The following ADGRV1 variants were observed in gnomAD, a reference collection of about 807,000 sequenced individuals.
ADGRV1 encodes the protein adhesion G protein-coupled receptor V1.
In ADGRV1, 359 loss-of-function variants were observed where a neutral mutation model predicts 596.2. The observed-to-expected ratio is 0.60, with a 90% confidence interval of 0.55 to 0.66. ADGRV1 has a LOEUF of 0.66. ADGRV1 is among the 30% of genes least tolerant of loss of function. The pLI is 0.00. For missense variants in ADGRV1, 7,274 were observed against 7,575.6 expected (o/e 0.96, Z 1.48); for synonymous variants, 2,681 against 2,679.2 (o/e 1.00, Z -0.02).
chr5:90,584,856 G>A (rs1374975972), intron 1 of ADGRV1, among the ~76,000 whole-genome samples: 2 of 152,166 alleles, frequency 1.3e-5, no homozygotes, highest in Non-Finnish European at 2.9e-5. Context: ...TTTAAGAAGA[G>A]GGGATAAACA....
At chr5:90,967,530 G>T (rs11957689) in intron 84 of ADGRV1, among the ~76,000 whole-genome samples, 74,583 of 151,908 alleles carry the variant, frequency 0.49, 19,642 homozygotes, top group East Asian at 0.68. Flanking sequence ...TATTTATGTT[G>T]TTATCTGTCT....
chr5:91,009,799 C>T (rs1782581975), intron 85 of ADGRV1, among the ~76,000 whole-genome samples: 1 of 152,022 alleles, frequency 6.6e-6, no homozygotes, highest in Non-Finnish European at 1.5e-5. Context: ...GATTTCAAAA[C>T]ATTCTATCAC....
At chr5:90,983,946 A>C (rs1296775423) in intron 84 of ADGRV1, among the ~76,000 whole-genome samples, 2 of 152,152 alleles carry the variant, frequency 1.3e-5, no homozygotes, top group Non-Finnish European at 2.9e-5. Flanking sequence ...TCCCACAAAC[A>C]TTAGGAATGC....
intron 10 of ADGRV1, among the ~76,000 whole-genome samples, chr5:90,636,145 C>G (rs1445553612): frequency 6.6e-6 from 1 of 151,830 alleles, no homozygotes; most frequent in Non-Finnish European, 1.5e-5. Context: ...GCACAGCACC[C>G]CATCCCTCCC....
intron 85 of ADGRV1, among the ~76,000 whole-genome samples, chr5:91,061,142 C>A (rs1281689350): frequency 6.6e-6 from 1 of 152,150 alleles, no homozygotes; most frequent in Non-Finnish European, 1.5e-5. Flanking sequence ...GAACAGGACA[C>A]CTTGAATACT....
intron 11 of ADGRV1, among the ~76,000 whole-genome samples, chr5:90,638,771 A>G (rs7729502): frequency 0.011 from 1,688 of 152,258 alleles, 27 homozygotes; most frequent in African/African-American, 0.039. Context: ...TACATTATTC[A>G]GGACTAAAGT....
chr5:90,818,238 T>C (rs1199455963), intron 75 of ADGRV1, among the ~76,000 whole-genome samples: 4 of 151,942 alleles, frequency 2.6e-5, no homozygotes, highest in Non-Finnish European at 5.9e-5. Flanking sequence ...TGTGTAAGAA[T>C]GCTTGTGATT....
rs74779783 is a variant in ADGRV1, at chr5:90,911,904, T to C, written c.17856+48047T>C. ...GCTCAGGTTGAGGACAGATTATACATAGGACATAAGGAAACAGCTGCTAAG... is the reference window on the plus strand; with the variant it reads ...GCTCAGGTTGAGGACAGATTATACACAGGACATAAGGAAACAGCTGCTAAG... On this transcript the variant is annotated intron_variant, in intron 83 of 89. Transcript: ENST00000405460. 9.9e-3 allele frequency among the ~76,000 whole-genome samples: 1,510 copies of C among 152,110 alleles called. 12 individuals are homozygous for C. The highest frequency in any genetic ancestry group is 0.015 in the Non-Finnish European group (1,027 of 67,984).
chr5:90,911,803 A>G (rs1164582495), intron 83 of ADGRV1, among the ~76,000 whole-genome samples: 1 of 152,126 alleles, frequency 6.6e-6, no homozygotes, highest in Non-Finnish European at 1.5e-5. Context: ...ACAATGTCAT[A>G]GACTTTTCTT....
chr5:90,844,869 T>A (rs1044021626), intron 78 of ADGRV1, among the ~76,000 whole-genome samples: 1 of 152,222 alleles, frequency 6.6e-6, no homozygotes, highest in Non-Finnish European at 1.5e-5. Context: ...TTAATAATGT[T>A]GGGAGTTCTT....
Position 90,712,407 on chromosome 5 carries a change from G to C in ADGRV1, c.9163G>C (p.Glu3055Gln). 6.3e-7 allele frequency: 1 copy of C among 1,589,582 alleles called. No individual in the cohort carries two copies. Residue 3055 changes from glutamate (E) to glutamine (Q), a missense_variant, in exon 42 of 90, where the codon GAG becomes CAG. Physicochemically the swap from Glu to Gln is conservative, Grantham distance 29 (BLOSUM62 2). Coordinates refer to ENST00000405460, the MANE Select transcript of ADGRV1 (RefSeq NM_032119.4). ...TTTAACAAATCCTTCTCCTGGACTA[G>C]AGCTAGGGAAAAATACAATAGGTAA... ...LILTNPSPGL[E>Q]LGKNTIALII...
At chr5:90,779,837 A>G (rs1758648719) in intron 64 of ADGRV1, 1 of 152,048 alleles carries the variant, frequency 6.6e-6, no homozygotes, top group Admixed American at 6.6e-5. Flanking sequence ...TCATAAAGAC[A>G]TTTTTCTTGT....
At chr5:90,734,864 A>G (rs1020679074) in intron 50 of ADGRV1, among the ~76,000 whole-genome samples, 2 of 152,078 alleles carry the variant, frequency 1.3e-5, no homozygotes, top group African/African-American at 2.4e-5. Flanking sequence ...GGCCTAGCCT[A>G]TTTTTTAATT....
rs1343160743 is a variant in ADGRV1 at position 90,704,445 on chromosome 5, G to A, written c.8343G>A (p.Glu2781=). 2 of 1,581,474 alleles carry A rather than the reference G, an allele frequency of 1.3e-6. No homozygotes were observed. The highest frequency in any genetic ancestry group is 1.7e-6 in the Non-Finnish European group (2 of 1,162,084). Residue 2781 remains glutamate, a synonymous_variant, in exon 36 of 90, where the codon GAG becomes GAA. Coordinates refer to ENST00000405460, the MANE Select transcript of ADGRV1 (RefSeq NM_032119.4). ...VHLLDDNIPE[E]KEVYQVILYD... Reference sequence around the variant, plus strand: ...TGTTGGATGACAACATTCCTGAGGAGAAAGAAGTATACCAAGTCATTCTGT... The same window carrying A: ...TGTTGGATGACAACATTCCTGAGGAAAAAGAAGTATACCAAGTCATTCTGT...
rs1745297420 is a variant in ADGRV1, at chr5:90,684,110, G to A, written c.6189G>A (p.Leu2063=). 4 of 1,613,806 alleles carry A rather than the reference G, an allele frequency of 2.5e-6. No homozygotes were observed. Among genetic ancestry groups the A allele is most frequent in the South Asian group, 1.1e-5 (1 of 91,076 alleles). ...AGGCAACAATAGCTATTTCAATTTTGGATGATGATGAGCCAGAAAGGTCCG... is the reference window on the plus strand; with the variant it reads ...AGGCAACAATAGCTATTTCAATTTTAGATGATGATGAGCCAGAAAGGTCCG... ...QSEATIAISI[L]DDDEPERSES... Residue 2063 remains leucine, a synonymous_variant, in exon 28 of 90, where the codon TTG becomes TTA. Transcript: ENST00000405460.
chr5:90,657,049 TTAACTC>T (rs1769506056), intron 20 of ADGRV1, among the ~76,000 whole-genome samples: 1 of 152,066 alleles, frequency 6.6e-6, no homozygotes, highest in African/African-American at 2.4e-5. Flanking sequence ...TCTCACAACT[TTAACTC>T]AATGAGTGTC....
chr5:91,096,587 A>G (rs1257474988), intron 86 of ADGRV1, among the ~76,000 whole-genome samples: 1 of 152,168 alleles, frequency 6.6e-6, no homozygotes, highest in Non-Finnish European at 1.5e-5. Context: ...ACTCCTTGTT[A>G]ATTTAAGTAT....
intron 85 of ADGRV1, among the ~76,000 whole-genome samples, chr5:90,988,828 C>T (rs1780717306): frequency 8.0e-6 from 1 of 124,298 alleles, no homozygotes. Context: ...GTGTGATGTT[C>T]CCCTTCCTAT....
At chr5:90,602,209 G>A (rs560040407) in intron 1 of ADGRV1, among the ~76,000 whole-genome samples, 13 of 152,154 alleles carry the variant, frequency 8.5e-5, no homozygotes, top group African/African-American at 2.7e-4. Context: ...ACAATGTTTC[G>A]ATGCCTGGTA....
Sources: allele counts gnomAD v4.1 joint callset (sites outside exome capture counted in the v4.1 genomes callset), GRCh38; gene constraint gnomAD v4.1.1; transcripts MANE v1.5; gene names NCBI Gene and HGNC (gene_info 2026-07-23, HGNC 2026-07-21).